NLGN4X: variants seen among roughly 807,000 people sequenced by gnomAD.
NLGN4X encodes neuroligin 4 X-linked.
Under a neutral mutation model 40.3 loss-of-function variants are expected in NLGN4X, and 3 were observed. The ratio of observed to expected loss-of-function variants is 0.07; its 90% confidence interval spans 0.03 to 0.19. The LOEUF (loss-of-function observed/expected upper bound fraction) is 0.19, where lower values mean the gene tolerates loss of function less well. NLGN4X is among the 10% of genes least tolerant of loss of function. The pLI is 1.00. For missense variants in NLGN4X, 382 were observed against 708.3 expected, an observed-to-expected ratio of 0.54 and a Z score of 5.23; for synonymous variants, 270 against 306.8, an observed-to-expected ratio of 0.88 and a Z score of 1.25.
intron 2 of NLGN4X, among the ~76,000 whole-genome samples, chrX:6,130,965 T>C (rs2039666959): frequency 8.9e-6 from 1 of 111,886 alleles, no homozygotes; most frequent in South Asian, 3.7e-4. Flanking sequence ...TGGCGTAGTG[T>C]TTGTCACTTC....
chrX:6,148,161 A>G (rs749002172), intron 2 of NLGN4X, among the ~76,000 whole-genome samples: 39 of 112,500 alleles, frequency 3.5e-4, no homozygotes, highest in Middle Eastern at 4.6e-3. Context: ...CTATTTTTGT[A>G]TTTTTAATAT....
At chrX:6,027,152 C>T (rs2036719246) in intron 3 of NLGN4X, among the ~76,000 whole-genome samples, 1 of 112,020 alleles carries the variant, frequency 8.9e-6, no homozygotes, top group African/African-American at 3.2e-5. Flanking sequence ...CACACTGCTC[C>T]CTTTGAAGAG....
At chrX:6,019,434 T>G (rs1006726430) in intron 3 of NLGN4X, among the ~76,000 whole-genome samples, 1 of 111,809 alleles carries the variant, frequency 8.9e-6, no homozygotes, top group Non-Finnish European at 1.9e-5. Context: ...AGGCATGCAC[T>G]GCATAATAAT....
chrX:6,167,285 C>T (rs1232393018), intron 1 of NLGN4X, among the ~76,000 whole-genome samples: 3 of 110,307 alleles, frequency 2.7e-5, no homozygotes, highest in East Asian at 2.9e-4. Context: ...AAAACTCTAG[C>T]GCTTCTCTCA....
At chrX:6,219,368 CTCT>C (rs1254238164) in intron 1 of NLGN4X, among the ~76,000 whole-genome samples, 3 of 73,769 alleles carry the variant, frequency 4.1e-5, no homozygotes, top group Non-Finnish European at 7.5e-5. Flanking sequence ...CCTTCTTTTT[CTCT>C]TCTTTCTTTC....
At chrX:6,088,063 G>A (rs763044753) in intron 2 of NLGN4X, among the ~76,000 whole-genome samples, 30 of 111,912 alleles carry the variant, frequency 2.7e-4, no homozygotes, top group Non-Finnish European at 5.3e-4. Flanking sequence ...TGCACCGTGG[G>A]GCACGCATTT....
chrX:6,011,712 C>T (rs1419901812), intron 3 of NLGN4X, among the ~76,000 whole-genome samples: 2 of 111,306 alleles, frequency 1.8e-5, no homozygotes, highest in African/African-American at 3.3e-5. Context: ...ACCATTAACA[C>T]CATCTTCTGG....
intron 2 of NLGN4X, among the ~76,000 whole-genome samples, chrX:6,103,360 G>A (rs772368323): frequency 9.0e-6 from 1 of 111,673 alleles, no homozygotes; most frequent in African/African-American, 3.3e-5. Context: ...TTTCTGGAAG[G>A]AAAGCTGGGA....
intron 3 of NLGN4X, among the ~76,000 whole-genome samples, chrX:5,921,239 C>G (rs1482480590): frequency 9.4e-6 from 1 of 106,060 alleles, no homozygotes; most frequent in East Asian, 3.0e-4. Flanking sequence ...CTGCAACAGT[C>G]TCAAGGTAGC....
chrX:6,001,384 G>C (rs2035966096), intron 3 of NLGN4X, among the ~76,000 whole-genome samples: 1 of 111,904 alleles, frequency 8.9e-6, no homozygotes, highest in Admixed American at 9.5e-5. Context: ...AAATATGTGA[G>C]GTTCAATCAA....
intron 2 of NLGN4X, among the ~76,000 whole-genome samples, chrX:6,073,425 G>T (rs1344136346): frequency 1.8e-5 from 2 of 112,381 alleles, no homozygotes; most frequent in Non-Finnish European, 3.8e-5. Context: ...TAAGATTTAT[G>T]CAGACTTTAG....
chrX:6,165,096 A>C (rs897400114), intron 1 of NLGN4X, among the ~76,000 whole-genome samples: 1 of 111,639 alleles, frequency 9.0e-6, no homozygotes, highest in Non-Finnish European at 1.9e-5. Flanking sequence ...CTCCCCAGAC[A>C]GGAATATTAA....
At chrX:6,073,303 G>A (rs1167819636) in intron 2 of NLGN4X, among the ~76,000 whole-genome samples, 1 of 112,242 alleles carries the variant, frequency 8.9e-6, no homozygotes, top group African/African-American at 3.2e-5. Flanking sequence ...ATACGGCCAT[G>A]TTTTGAACAA....
intron 1 of NLGN4X, among the ~76,000 whole-genome samples, chrX:6,159,718 T>C (rs2040346441): frequency 1.8e-5 from 2 of 111,669 alleles, no homozygotes; most frequent in African/African-American, 3.3e-5. Context: ...CGAGGGCTTG[T>C]GCCAGTGACC....
In NLGN4X at chrX:5,893,183, C is replaced by T. The variant is rs755736361; in HGVS notation, c.2085G>A (p.Ala695=). The T allele has an allele frequency of 6.2e-5, 75 of 1,209,523 alleles. No homozygotes were observed. Among genetic ancestry groups the T allele is most frequent in the Admixed American group, 1.7e-4 (8 of 45,735 alleles). The change falls in exon 6 of 6, where the codon GCG becomes GCA. Residue 695 remains alanine, a synonymous_variant. Coordinates refer to ENST00000381095, the MANE Select transcript of NLGN4X (RefSeq NM_181332.3). ...LLFLNILAFA[A]LYYKKDKRRH... ...GCCTCTTGTCCTTTTTGTAGTACAGCGCCGCAAAAGCTAAGATGTTGAGGA... is the reference window on the plus strand; with the variant it reads ...GCCTCTTGTCCTTTTTGTAGTACAGTGCCGCAAAAGCTAAGATGTTGAGGA...
intron 2 of NLGN4X, among the ~76,000 whole-genome samples, chrX:6,059,043 T>C (rs1287811757): frequency 2.7e-5 from 3 of 110,795 alleles, no homozygotes; most frequent in Admixed American, 9.5e-5. Context: ...GAATTAGATT[T>C]TGGAATTAGC....
At chrX:5,985,064 C>A (rs34882732) in intron 3 of NLGN4X, among the ~76,000 whole-genome samples, 18,898 of 111,034 alleles carry the variant, frequency 0.17, 1,196 homozygotes, top group East Asian at 0.28. Flanking sequence ...TAGGTTAGGT[C>A]ATAAACATGG....
At chrX:6,011,221 C>G (rs1212869350) in intron 3 of NLGN4X, among the ~76,000 whole-genome samples, 1 of 110,691 alleles carries the variant, frequency 9.0e-6, no homozygotes, top group African/African-American at 3.3e-5. Flanking sequence ...TGCTGTTAGT[C>G]TTACCCACAA....
intron 1 of NLGN4X, among the ~76,000 whole-genome samples, chrX:6,181,520 G>A (rs1329978802): frequency 1.8e-5 from 2 of 111,124 alleles, no homozygotes; most frequent in African/African-American, 6.6e-5. Context: ...AAGTTCTGGG[G>A]GCTGAGAAGT....
Sources: allele counts gnomAD v4.1 joint callset (sites outside exome capture counted in the v4.1 genomes callset), GRCh38; gene constraint gnomAD v4.1.1; transcripts MANE v1.5; gene names NCBI Gene and HGNC (gene_info 2026-07-23, HGNC 2026-07-21).